Variants in ARPP21 observed in about 807,000 individuals in gnomAD.
The protein encoded by ARPP21 is cAMP-regulated phosphoprotein 21.
ARPP21 carries 69 observed loss-of-function variants against 113.2 expected under a neutral mutation model. The observed-to-expected ratio is 0.61, with a 90% CI of 0.50 to 0.74. ARPP21 has a LOEUF of 0.74. ARPP21 is among the 30% of genes least tolerant of loss of function. The pLI is 0.00. For synonymous variants in ARPP21, 368 were observed against 375.5 expected (o/e 0.98, Z 0.23); for missense variants, 1,070 against 1,037.4 (o/e 1.03, Z -0.43).
At chr3:35,793,672 AC>A in intron 20 of ARPP21, 28 bp from the exon 21 acceptor site, 2 of 1,583,192 alleles carry the variant, frequency 1.3e-6, no homozygotes, top group Non-Finnish European at 1.7e-6. Flanking sequence ...GTCTCTTCAT[AC>A]AGGGTTCTTG....
chr3:35,739,476 C>T lies in ARPP21; in HGVS notation c.1909C>T (p.Pro637Ser). 6.2e-7 allele frequency: 1 copy of T among 1,614,158 alleles called. No individual in the cohort carries two copies. Reference sequence around the variant, plus strand: ...AATCGCCTCTACAGGCCAGCAGCTTCCTACAGGAGGATTCTCAGGCTCTGG... The same window carrying T: ...AATCGCCTCTACAGGCCAGCAGCTTTCTACAGGAGGATTCTCAGGCTCTGG... Reference protein sequence around the residue: ...YVIASTGQQLPTGGFSGSGPP... With the variant: ...YVIASTGQQLSTGGFSGSGPP... The change falls in exon 18 of 21, where the codon CCT becomes TCT. Residue 637 changes from proline (P) to serine (S), a missense_variant. Transcript: ENST00000684406.
chr3:35,774,296 A>T (rs1392826388), intron 19 of ARPP21, among the ~76,000 whole-genome samples: 1 of 152,152 alleles, frequency 6.6e-6, no homozygotes, highest in Non-Finnish European at 1.5e-5. Context: ...TATGGCTGAA[A>T]ATATTACTAT....
At chr3:35,740,837 C>T (rs1210659492) in intron 18 of ARPP21, among the ~76,000 whole-genome samples, 1 of 152,058 alleles carries the variant, frequency 6.6e-6, no homozygotes, top group Non-Finnish European at 1.5e-5. Flanking sequence ...GTGGCTCAGA[C>T]CTTTAACCCC....
chr3:35,683,013 C>A, intron 4 of ARPP21, 124 bp downstream of exon 4: 1 of 901,560 alleles, frequency 1.1e-6, no homozygotes, highest in Non-Finnish European at 1.7e-6. Flanking sequence ...GGCATCTCGG[C>A]TGTACTGGTG....
chr3:35,761,341 T>C (rs2151302145), intron 19 of ARPP21, among the ~76,000 whole-genome samples: 1 of 152,172 alleles, frequency 6.6e-6, no homozygotes, highest in East Asian at 1.9e-4. Flanking sequence ...CGTGAAAAAT[T>C]TGACATCTGG....
intron 5 of ARPP21, chr3:35,684,965 A>C: frequency 1.0e-6 from 1 of 983,766 alleles, no homozygotes; most frequent in Non-Finnish European, 1.2e-6. Flanking sequence ...TTCTCTTTTT[A>C]ATGGAGATTG....
chr3:35,749,418 T>C (rs1009079122), intron 19 of ARPP21, among the ~76,000 whole-genome samples: 3 of 140,528 alleles, frequency 2.1e-5, no homozygotes, highest in African/African-American at 8.3e-5. Flanking sequence ...AAAATCTTGG[T>C]CATTCCTAAA....
At chr3:35,697,260 T>G (rs1453241198) in intron 9 of ARPP21, among the ~76,000 whole-genome samples, 1 of 151,536 alleles carries the variant, frequency 6.6e-6, no homozygotes, top group East Asian at 1.9e-4. Context: ...AAATAGCAAA[T>G]CCACTGAAAG....
intron 1 of ARPP21, among the ~76,000 whole-genome samples, chr3:35,654,537 A>T (rs967780483): frequency 2.0e-5 from 3 of 152,240 alleles, no homozygotes; most frequent in Middle Eastern, 3.4e-3. Context: ...TGAAAAACTT[A>T]TATAAGAATT....
Position 35,738,288 on chromosome 3 carries a change from A to T in ARPP21, c.1719A>T (p.Leu573=), listed in dbSNP as rs1189602760. 1 of 1,535,338 alleles carries T rather than the reference A, an allele frequency of 6.5e-7. No homozygotes were observed. Among genetic ancestry groups the T allele is most frequent in the East Asian group, 2.4e-5 (1 of 40,872 alleles). The change falls in exon 17 of 21, where the codon CTA becomes CTT. Residue 573 remains leucine (L), a synonymous_variant. Transcript: ENST00000684406. ...TCTCTTTTCCTCCCCAGCACCTCCTACCTGTGTCTCCAACGCAGCACTTTC... is the reference window on the plus strand; with the variant it reads ...TCTCTTTTCCTCCCCAGCACCTCCTTCCTGTGTCTCCAACGCAGCACTTTC... ...PAVSFPPQHL[L]PVSPTQHFPM...
intron 9 of ARPP21, among the ~76,000 whole-genome samples, chr3:35,705,992 G>C (rs2088841616): frequency 6.6e-6 from 1 of 152,066 alleles, no homozygotes; most frequent in Admixed American, 6.5e-5. Flanking sequence ...CTTAATTACT[G>C]GTCACTCATA....
In ARPP21 at chr3:35,670,131, C is replaced by A. The variant is rs535378800; in HGVS notation, c.-212-9656C>A. Among the ~76,000 whole-genome samples the A allele has an allele frequency of 9.2e-5, 14 of 152,216 alleles. No individual in the cohort carries two copies. In the Middle Eastern group the frequency reaches 0.01, roughly 112 times the overall value. On this transcript the variant is annotated intron_variant, in intron 1 of 20. Coordinates refer to ENST00000684406, the MANE Select transcript of ARPP21 (RefSeq NM_001385562.1). The stretch of plus-strand genomic sequence containing the variant: ...TAATAATTCACAGAGATTATACCAG[C>A]ATTTATTTTTATAAGATCATTGAAA...
At chr3:35,716,094 G>C (rs1020905789) in intron 12 of ARPP21, among the ~76,000 whole-genome samples, 3 of 151,950 alleles carry the variant, frequency 2.0e-5, no homozygotes, top group Non-Finnish European at 2.9e-5. Flanking sequence ...TTGGTGATAA[G>C]AGCAAAAATT....
chr3:35,652,907 C>T (rs146746597), intron 1 of ARPP21, among the ~76,000 whole-genome samples: 1 of 152,014 alleles, frequency 6.6e-6, no homozygotes, highest in Non-Finnish European at 1.5e-5. Context: ...CTCTGAATTA[C>T]CTTGTTTCTC....
chr3:35,707,055 C>A lies in ARPP21; in HGVS notation c.768C>A (p.Asn256Lys). The A allele has an allele frequency of 6.2e-7, 1 of 1,613,504 alleles. No homozygotes were observed. Among genetic ancestry groups the A allele is most frequent in the Non-Finnish European group, 8.5e-7 (1 of 1,179,702 alleles). Reference protein sequence around the residue: ...SQKRFILKRDNSSIDKEDNQQ... With the variant: ...SQKRFILKRDKSSIDKEDNQQ... ...AGCGGTTTATCTTGAAGCGAGATAA[C>A]TCTAGTATTGATAAAGAAGACAATC... The change falls in exon 10 of 21, where the codon AAC becomes AAA. Residue 256 changes from asparagine to lysine, a missense_variant. Asn to Lys is a moderately conservative substitution (Grantham distance 94). Transcript: ENST00000684406.
intron 19 of ARPP21, among the ~76,000 whole-genome samples, chr3:35,760,556 G>C (rs897032507): frequency 4.0e-5 from 6 of 151,868 alleles, no homozygotes; most frequent in Non-Finnish European, 7.4e-5. Flanking sequence ...AAAAAAATCC[G>C]CTGGGAGTTT....
chr3:35,770,107 T>C (rs565929027), intron 19 of ARPP21, among the ~76,000 whole-genome samples: 25 of 152,264 alleles, frequency 1.6e-4, no homozygotes, highest in African/African-American at 6.0e-4. Flanking sequence ...GACTACAAAA[T>C]ACTCATTCAA....
At chr3:35,777,736 A>G (rs2096413388) in intron 19 of ARPP21, among the ~76,000 whole-genome samples, 1 of 152,146 alleles carries the variant, frequency 6.6e-6, no homozygotes, top group African/African-American at 2.4e-5. Flanking sequence ...TATCTATTTG[A>G]TCTCAGCCAT....
Position 35,708,973 on chromosome 3 carries a change from A to C in ARPP21, c.800A>C (p.Asn267Thr). The change falls in exon 11 of 21, where the codon AAC (asparagine) becomes ACC (threonine). Residue 267 changes from asparagine to threonine, a missense_variant. Transcript: ENST00000684406. ...TGATTTCTTTTTTCTGTTCAGCAAA[A>C]CAGAATGCATCCATTTAGAGATGAC... ...SSIDKEDNQQNRMHPFRDDRR... is the reference protein window; with the variant it reads ...SSIDKEDNQQTRMHPFRDDRR... The C allele has an allele frequency of 6.2e-7, 1 of 1,612,630 alleles. No homozygotes were observed. The highest frequency in any genetic ancestry group is 8.5e-7 in the Non-Finnish European group (1 of 1,178,988).
Sources: gnomAD v4.1 joint callset for allele counts (sites outside exome capture counted in the v4.1 genomes callset) on GRCh38, gnomAD v4.1.1 for gene constraint, MANE v1.5 for transcripts, NCBI Gene and HGNC (gene_info 2026-07-23, HGNC 2026-07-21) for gene names.